Variants in AAK1 observed in about 807,000 individuals in gnomAD.
The protein encoded by AAK1 is AP2-associated protein kinase 1.
A neutral mutation model predicts 116.0 loss-of-function variants in AAK1; 37 were observed. The ratio of observed to expected loss-of-function variants is 0.32; its 90% CI spans 0.25 to 0.42. The LOEUF (loss-of-function observed/expected upper bound fraction) is 0.42. Among genes scored for constraint, AAK1 ranks in the 10% least tolerant of loss-of-function variants. The probability of loss-of-function intolerance (pLI) is 1.00; values close to 1 mark genes in which losing one functional copy is unlikely to be tolerated. For missense variants in AAK1, 919 were observed against 1,170.6 expected (o/e 0.79, Z 3.14); for synonymous variants, 458 against 439.9 (o/e 1.04, Z -0.51).
At chr2:69,496,192 A>C in intron 16 of AAK1, 112 bp from the exon 17 acceptor site, 1 of 710,462 alleles carries the variant, frequency 1.4e-6, no homozygotes, top group South Asian at 1.8e-5. Context: ...AGTTCAAACT[A>C]CAGAGTAAGT....
chr2:69,503,461 T>C (rs1163666130), intron 16 of AAK1, among the ~76,000 whole-genome samples: 1 of 152,228 alleles, frequency 6.6e-6, no homozygotes, highest in Non-Finnish European at 1.5e-5. Context: ...TTAAAAAAGA[T>C]GCAATTGGTT....
Position 69,513,545 on chromosome 2 carries a change from G to A in AAK1, c.1776+926C>T, listed in dbSNP as rs532747174. On this transcript the variant is annotated intron_variant, in intron 13 of 21. Coordinates refer to ENST00000409085, the MANE Select transcript of AAK1 (RefSeq NM_014911.5). Reference sequence around the variant, plus strand: ...TCACCACGTTAGCCAGGATGGTCTCGATCTCCTGACCTTGTGATCCGCCCG... The same window carrying A: ...TCACCACGTTAGCCAGGATGGTCTCAATCTCCTGACCTTGTGATCCGCCCG... Among the ~76,000 whole-genome samples, 7 of 152,166 alleles carry A rather than the reference G, an allele frequency of 4.6e-5. No individual in the cohort carries two copies. In the South Asian group the frequency reaches 1.0e-3, roughly 23 times the overall value.
In AAK1 at chr2:69,472,394, T is replaced by C. The variant is rs1260358000; in HGVS notation, c.*3475A>G. On this transcript the variant is annotated 3_prime_UTR_variant, in exon 22 of 22. Transcript: ENST00000409085. Reference sequence around the variant, plus strand: ...GCTGATTTTCTTATACCTTATTACCTTCCTTGATATTATTTCTAAGGAGAG... The same window carrying C: ...GCTGATTTTCTTATACCTTATTACCCTCCTTGATATTATTTCTAAGGAGAG... 4.3e-6 allele frequency: 1 copy of C among 230,292 alleles called. No individual in the cohort carries two copies. The highest frequency in any genetic ancestry group is 7.2e-6 in the Non-Finnish European group (1 of 139,624). 14.3% of individuals were successfully genotyped at this position (230,292 alleles called of 1,614,324 possible). A position where few individuals can be genotyped will look rare whatever the true frequency, so the allele number is the denominator to read the frequency against.
chr2:69,498,037 A>G, intron 16 of AAK1, among the ~76,000 whole-genome samples: 1 of 56,672 alleles, frequency 1.8e-5, no homozygotes, highest in South Asian at 7.6e-4. Context: ...ACCCCACCCC[A>G]CTCATGTCTC....
chr2:69,615,084 GA>G lies in AAK1; in HGVS notation c.163+27793del, dbSNP rs200936686. The stretch of plus-strand genomic sequence containing the variant: ...AAATTAATATGACCCCAACCACGAG[GA>G]AAAAAACAAAACATGTTGCTGTCCT... On this transcript the variant is annotated intron_variant, in intron 2 of 21. Coordinates refer to ENST00000409085, the MANE Select transcript of AAK1 (RefSeq NM_014911.5). 6.4e-3 allele frequency among the ~76,000 whole-genome samples: 968 copies of G among 152,114 alleles called. 21 individuals carry two copies. Among genetic ancestry groups the G allele is most frequent in the East Asian group, 0.012 (63 of 5,180 alleles).
At chr2:69,536,182 G>A (rs555666675) in intron 5 of AAK1, among the ~76,000 whole-genome samples, 1 of 152,310 alleles carries the variant, frequency 6.6e-6, no homozygotes, top group East Asian at 1.9e-4. Context: ...CAATTAAGGG[G>A]GATGGACAGT....
At chr2:69,561,871 C>A (rs993728657) in intron 2 of AAK1, among the ~76,000 whole-genome samples, 13 of 152,176 alleles carry the variant, frequency 8.5e-5, no homozygotes, top group Non-Finnish European at 1.9e-4. Flanking sequence ...GCTTCTTTCA[C>A]GCAGCATAAC....
intron 13 of AAK1, among the ~76,000 whole-genome samples, chr2:69,513,602 C>T (rs1676474527): frequency 6.6e-6 from 1 of 152,176 alleles, no homozygotes; most frequent in Non-Finnish European, 1.5e-5. Flanking sequence ...GGATTACAGG[C>T]GTGAGGCCAC....
chr2:69,637,725 A>T (rs1345732157), intron 2 of AAK1, among the ~76,000 whole-genome samples: 1 of 152,180 alleles, frequency 6.6e-6, no homozygotes, highest in Admixed American at 6.5e-5. Flanking sequence ...AAGCGTCAAC[A>T]TTCAAATATT....
In AAK1 at chr2:69,509,337, G is replaced by A; in HGVS notation, c.1900C>T (p.Arg634Cys). 1 of 1,613,990 alleles carries A rather than the reference G, an allele frequency of 6.2e-7. No individual in the cohort carries two copies. Among genetic ancestry groups the A allele is most frequent in the Non-Finnish European group, 8.5e-7 (1 of 1,179,890 alleles). The change falls in exon 14 of 22, where the codon CGT becomes TGT. Residue 634 changes from arginine (R) to cysteine (C), a missense_variant. Coordinates refer to ENST00000409085, the MANE Select transcript of AAK1 (RefSeq NM_014911.5). ...CTGTGGGTTACGTCACTGAGAATAC[G>A]CCTGTGCCCAGCACGTTGGGTTTTG... Reference protein sequence around the residue: ...SPKTQRAGHRRILSDVTHSAV... With the variant: ...SPKTQRAGHRCILSDVTHSAV...
At chr2:69,490,214 G>A (rs1038134993) in intron 17 of AAK1, among the ~76,000 whole-genome samples, 7 of 152,300 alleles carry the variant, frequency 4.6e-5, no homozygotes, top group African/African-American at 1.7e-4. Flanking sequence ...CATTGTTGGT[G>A]GGAATGTAAA....
chr2:69,557,693 G>T (rs1204655669), intron 2 of AAK1, among the ~76,000 whole-genome samples: 1 of 152,148 alleles, frequency 6.6e-6, no homozygotes, highest in African/African-American at 2.4e-5. Flanking sequence ...GAATACAGAG[G>T]CTCAAAGACA....
intron 2 of AAK1, among the ~76,000 whole-genome samples, chr2:69,564,028 C>T (rs970025336): frequency 3.3e-5 from 5 of 151,944 alleles, no homozygotes; most frequent in East Asian, 1.9e-4. Context: ...CCTGTCTCTA[C>T]TAAAAATACA....
At chr2:69,562,768 T>C (rs923538139) in intron 2 of AAK1, among the ~76,000 whole-genome samples, 2 of 152,306 alleles carry the variant, frequency 1.3e-5, no homozygotes, top group African/African-American at 2.4e-5. Flanking sequence ...TGTGCGCCTG[T>C]AGTCCCAGCT....
Position 69,474,361 on chromosome 2 carries a change from T to G in AAK1, c.*1508A>C. On this transcript the variant is annotated 3_prime_UTR_variant, in exon 22 of 22. Transcript: ENST00000409085. ...CAGGAGTGGGGTTCTCTGTGCCCAC[T>G]TCTTTTCAAAAGGGTGATTTTATAA... is the stretch of plus-strand genomic sequence containing the variant. The G allele has an allele frequency of 1.0e-6, 1 of 985,868 alleles. No individual in the cohort carries two copies. Among genetic ancestry groups the G allele is most frequent in the Non-Finnish European group, 1.2e-6 (1 of 829,932 alleles). 61.1% of individuals were successfully genotyped at this position (985,868 alleles called of 1,614,324 possible). A position where few individuals can be genotyped will look rare whatever the true frequency, so the allele number is the denominator to read the frequency against.
In AAK1 at chr2:69,470,296, T is replaced by C. The variant is rs1674632209; in HGVS notation, c.*5573A>G. 1 of 985,182 alleles carries C rather than the reference T, an allele frequency of 1.0e-6. No individual in the cohort carries two copies. Among genetic ancestry groups the C allele is most frequent in the African/African-American group, 1.7e-5 (1 of 57,176 alleles). 61.0% of individuals were successfully genotyped at this position (985,182 alleles called of 1,614,324 possible). Reference sequence around the variant, plus strand: ...TATAGTTAGTAAACAGAAAGCAAAATATCCCTTCACAAGAACTTGGAAATG... The same window carrying C: ...TATAGTTAGTAAACAGAAAGCAAAACATCCCTTCACAAGAACTTGGAAATG... On this transcript the variant is annotated 3_prime_UTR_variant, in exon 22 of 22. Transcript: ENST00000409085.
At position 69,544,307 on chromosome 2, in the gene AAK1, T is replaced by C. The variant is rs1385624359; in HGVS notation, c.391+129A>G. ...AGAGTTGACAGCAGACTGTATCTTT[T>C]AGTTTTCTCATCTGTCAAACCAGAA... On this transcript the variant is annotated intron_variant, in intron 4 of 21. Coordinates refer to ENST00000409085, the MANE Select transcript of AAK1 (RefSeq NM_014911.5). The C allele has an allele frequency of 1.2e-5, 8 of 662,802 alleles. No homozygotes were observed. The Admixed American group carries it at 1.2e-4, about 10-fold the overall frequency. 41.1% of individuals were successfully genotyped at this position (662,802 alleles called of 1,614,324 possible).
chr2:69,612,141 A>C (rs1233651567), intron 2 of AAK1, among the ~76,000 whole-genome samples: 2 of 152,274 alleles, frequency 1.3e-5, no homozygotes, highest in African/African-American at 2.4e-5. Flanking sequence ...AACTTAAAGT[A>C]TAATAAAAAA....
At chr2:69,558,733 T>C (rs1183100606) in intron 2 of AAK1, among the ~76,000 whole-genome samples, 2 of 152,174 alleles carry the variant, frequency 1.3e-5, no homozygotes, top group Non-Finnish European at 2.9e-5. Flanking sequence ...GGTTATGACA[T>C]AGTACTGGGT....
Sources: gnomAD v4.1 joint callset for allele counts (sites outside exome capture counted in the v4.1 genomes callset) on GRCh38, gnomAD v4.1.1 for gene constraint, MANE v1.5 for transcripts, NCBI Gene and HGNC (gene_info 2026-07-23, HGNC 2026-07-21) for gene names.